Variants in DNAJC3 observed in about 807,000 individuals in gnomAD.
DNAJC3 encodes the protein DnaJ heat shock protein family (Hsp40) member C3.
In DNAJC3, 38 loss-of-function variants were observed where a neutral mutation model predicts 68.6. The ratio of observed to expected loss-of-function variants is 0.55; its 90% confidence interval spans 0.43 to 0.73. The LOEUF is 0.73. Among genes scored for constraint, DNAJC3 ranks in the 30% least tolerant of loss-of-function variants. The probability of loss-of-function intolerance (pLI) is 0.00; values close to 1 mark genes in which losing one functional copy is unlikely to be tolerated. For synonymous variants in DNAJC3, 203 were observed against 204.0 expected (o/e 1.00, Z 0.04); for missense variants, 526 against 591.9 (o/e 0.89, Z 1.16).
chr13:95,723,942 C>T (rs1483778523), intron 3 of DNAJC3, among the ~76,000 whole-genome samples: 2 of 152,144 alleles, frequency 1.3e-5, no homozygotes, highest in Non-Finnish European at 2.9e-5. Context: ...TGAGGTAGAA[C>T]TCAGGTGGGG....
chr13:95,704,890 C>T (rs1347454203), intron 1 of DNAJC3, among the ~76,000 whole-genome samples: 12 of 101,664 alleles, frequency 1.2e-4, no homozygotes, highest in Admixed American at 8.4e-4. Flanking sequence ...CTCGCAGTGT[C>T]GCCCAGGCTG....
intron 1 of DNAJC3, among the ~76,000 whole-genome samples, chr13:95,683,064 T>C (rs1421776696): frequency 2.0e-5 from 3 of 152,002 alleles, no homozygotes; most frequent in Admixed American, 6.6e-5. Flanking sequence ...ATAGAGAGAG[T>C]GATATTGCAA....
chr13:95,769,718 T>C (rs1883108001), intron 9 of DNAJC3, among the ~76,000 whole-genome samples: 1 of 152,232 alleles, frequency 6.6e-6, no homozygotes, highest in Admixed American at 6.5e-5. Context: ...CTTGCAGTTT[T>C]TATTCACACT....
chr13:95,725,117 T>C (rs148035177), intron 3 of DNAJC3, 61 bp from the exon 4 acceptor site: 22 of 1,177,624 alleles, frequency 1.9e-5, no homozygotes, highest in Middle Eastern at 4.3e-4. Context: ...ATTCTTCGTG[T>C]TTAAAAAAGA....
chr13:95,788,305 T>C (rs1395832206), intron 11 of DNAJC3, among the ~76,000 whole-genome samples: 1 of 152,226 alleles, frequency 6.6e-6, no homozygotes, highest in Non-Finnish European at 1.5e-5. Context: ...ACAGGTGTGA[T>C]AGTGTATCAG....
chr13:95,789,222 T>C (rs1045639011), intron 11 of DNAJC3, among the ~76,000 whole-genome samples: 10 of 152,162 alleles, frequency 6.6e-5, no homozygotes, highest in African/African-American at 1.7e-4. Context: ...ATGTGTGTTA[T>C]GGGGGTTTGT....
intron 1 of DNAJC3, among the ~76,000 whole-genome samples, chr13:95,691,311 G>A (rs914020949): frequency 4.2e-4 from 64 of 151,272 alleles, no homozygotes; most frequent in African/African-American, 1.3e-3. Flanking sequence ...GGCACTTGCC[G>A]GGCGGAGGGA....
chr13:95,721,825 C>T (rs1251024130), intron 2 of DNAJC3, among the ~76,000 whole-genome samples: 1 of 152,034 alleles, frequency 6.6e-6, no homozygotes, highest in Non-Finnish European at 1.5e-5. Context: ...CTTTTTCTGA[C>T]CCACCTTCCC....
chr13:95,703,318 G>A (rs1310826331), intron 1 of DNAJC3, among the ~76,000 whole-genome samples: 1 of 152,194 alleles, frequency 6.6e-6, no homozygotes, highest in Non-Finnish European at 1.5e-5. Flanking sequence ...GTACAGCCCA[G>A]CTTTCATGAG....
intron 9 of DNAJC3, among the ~76,000 whole-genome samples, chr13:95,785,304 G>C (rs1374503024): frequency 2.6e-5 from 4 of 152,056 alleles, no homozygotes; most frequent in African/African-American, 9.7e-5. Context: ...TGGTAAGATT[G>C]CTCTGGATAA....
chr13:95,701,827 C>G (rs987697996), intron 1 of DNAJC3, among the ~76,000 whole-genome samples: 1 of 152,092 alleles, frequency 6.6e-6, no homozygotes, highest in Non-Finnish European at 1.5e-5. Context: ...TAACTTGTGC[C>G]CTCACAGTAC....
At chr13:95,740,309 C>T (rs552950605) in intron 4 of DNAJC3, among the ~76,000 whole-genome samples, 1 of 152,378 alleles carries the variant, frequency 6.6e-6, no homozygotes, top group Non-Finnish European at 1.5e-5. Flanking sequence ...CAGAGGCAGG[C>T]AGGCCTCCTT....
intron 4 of DNAJC3, 37 bp downstream of exon 4, chr13:95,725,289 AT>A: frequency 6.8e-7 from 1 of 1,470,986 alleles, no homozygotes; most frequent in Admixed American, 2.3e-5. Context: ...GGAAGATGTT[AT>A]TTTGAGAGAA....
At chr13:95,768,086 T>G (rs1883054936) in intron 9 of DNAJC3, among the ~76,000 whole-genome samples, 1 of 152,164 alleles carries the variant, frequency 6.6e-6, no homozygotes, top group South Asian at 2.1e-4. Context: ...GGTTTTGATT[T>G]ATATTTCCCT....
intron 1 of DNAJC3, among the ~76,000 whole-genome samples, chr13:95,691,651 G>T (rs1412818132): frequency 1.3e-5 from 2 of 152,212 alleles, no homozygotes; most frequent in Admixed American, 6.5e-5. Flanking sequence ...CCCAGACGGG[G>T]TGGTGGCCGG....
At position 95,760,711 on chromosome 13, in the gene DNAJC3, A is replaced by T. The variant is rs781174324; in HGVS notation, c.761A>T (p.Asp254Val). 1 of 1,612,056 alleles carries T rather than the reference A, an allele frequency of 6.2e-7. No homozygotes were observed. Among genetic ancestry groups the T allele is most frequent in the Non-Finnish European group, 8.5e-7 (1 of 1,179,180 alleles). ...EVRECLKLDQ[D>V]HKRCFAHYKQ... Reference sequence around the variant, plus strand: ...CGGGAATGTCTTAAACTTGACCAGGATCATAAAAGGTGTTTTGCACACTAT... The same window carrying T: ...CGGGAATGTCTTAAACTTGACCAGGTTCATAAAAGGTGTTTTGCACACTAT... Residue 254 changes from aspartate (D) to valine (V), a missense_variant, in exon 7 of 12, where the codon GAT becomes GTT. Coordinates refer to ENST00000602402, the MANE Select transcript of DNAJC3 (RefSeq NM_006260.5).
chr13:95,744,355 T>A (rs989972497), intron 4 of DNAJC3, among the ~76,000 whole-genome samples: 3 of 152,216 alleles, frequency 2.0e-5, no homozygotes, highest in Admixed American at 1.3e-4. Flanking sequence ...GGCATTCAGA[T>A]GGGAGACCAA....
At chr13:95,690,927 C>A (rs1483988561) in intron 1 of DNAJC3, among the ~76,000 whole-genome samples, 7 of 135,130 alleles carry the variant, frequency 5.2e-5, no homozygotes, top group Admixed American at 1.5e-4. Flanking sequence ...GCTGACCCCC[C>A]CCACCTCCCT....
chr13:95,687,282 T>C (rs1253468234), intron 1 of DNAJC3, among the ~76,000 whole-genome samples: 2 of 152,062 alleles, frequency 1.3e-5, no homozygotes, highest in Non-Finnish European at 2.9e-5. Flanking sequence ...GTAGAATCTT[T>C]AGGGTTTTCT....
Sources: allele counts gnomAD v4.1 joint callset (sites outside exome capture counted in the v4.1 genomes callset), GRCh38; gene constraint gnomAD v4.1.1; transcripts MANE v1.5; gene names NCBI Gene and HGNC (gene_info 2026-07-23, HGNC 2026-07-21).